Variants in RYR2 observed in about 807,000 individuals in gnomAD.
RYR2 encodes the protein ryanodine receptor 2, also known as cardiac muscle ryanodine receptor-calcium release channel.
Under a neutral mutation model 601.1 loss-of-function variants are expected in RYR2, and 227 were observed. The ratio of observed to expected loss-of-function variants is 0.38; its 90% CI spans 0.34 to 0.42. RYR2 has a LOEUF of 0.42. Among genes scored for constraint, RYR2 ranks in the 10% least tolerant of loss-of-function variants. RYR2 has a pLI of 1.00. For synonymous variants in RYR2, 2,223 were observed against 2,175.1 expected (o/e 1.02, Z -0.61); for missense variants, 4,646 against 6,156.5 (o/e 0.75, Z 8.21).
chr1:237,505,279 G>A (rs1340188093), intron 22 of RYR2, among the ~76,000 whole-genome samples: 1 of 152,168 alleles, frequency 6.6e-6, no homozygotes, highest in Non-Finnish European at 1.5e-5. Context: ...GTGTTCTGAG[G>A]TTGGCTATGA....
intron 1 of RYR2, among the ~76,000 whole-genome samples, chr1:237,058,225 G>T (rs550514689): frequency 6.6e-6 from 1 of 152,286 alleles, no homozygotes; most frequent in Non-Finnish European, 1.5e-5. Context: ...GAAAGCTCAG[G>T]TCAGGGGAAA....
rs1573099656 is a variant in RYR2, at chr1:237,610,264, G to A, written c.4684-498G>A. ...ACATATTCTGTTTTCTTATTCGGTA[G>A]TCAGGTTTATCTGTTGAGCTTTATC... On this transcript the variant is annotated intron_variant, in intron 35 of 104. Transcript: ENST00000366574. This position sits in a 1 kb window ranked among gnomAD's most constrained non-coding sequence, Gnocchi z 4.9. Among the ~76,000 whole-genome samples, 1 of 152,166 alleles carries A rather than the reference G, an allele frequency of 6.6e-6. No homozygotes were observed. The highest frequency in any genetic ancestry group is 2.1e-4 in the South Asian group (1 of 4,826).
At chr1:237,172,181 T>A (rs1420226990) in intron 1 of RYR2, among the ~76,000 whole-genome samples, 1 of 152,266 alleles carries the variant, frequency 6.6e-6, no homozygotes, top group African/African-American at 2.4e-5. Context: ...AACCAAGTTC[T>A]TAATGTATGG....
chr1:237,446,568 A>G (rs971562048), intron 14 of RYR2, among the ~76,000 whole-genome samples: 3 of 152,072 alleles, frequency 2.0e-5, no homozygotes, highest in African/African-American at 7.2e-5. Context: ...GCTTTACAGC[A>G]TAAAACAAAT....
intron 100 of RYR2, among the ~76,000 whole-genome samples, chr1:237,813,199 G>T (rs536794549): frequency 1.3e-5 from 2 of 152,154 alleles, no homozygotes; most frequent in East Asian, 3.9e-4. Flanking sequence ...GGTGCAGAAG[G>T]TAGCAGTAGC....
intron 17 of RYR2, among the ~76,000 whole-genome samples, chr1:237,481,107 CAT>C (rs376529507): frequency 0.017 from 2,406 of 142,918 alleles, 52 homozygotes; most frequent in South Asian, 0.048. Context: ...TGTATATATA[CAT>C]ATATATATAT....
chr1:237,043,206 C>T (rs1433406288), intron 1 of RYR2, among the ~76,000 whole-genome samples: 1 of 152,192 alleles, frequency 6.6e-6, no homozygotes, highest in Non-Finnish European at 1.5e-5. Flanking sequence ...CCTCCGTGGT[C>T]CCCGCGGTTC....
intron 29 of RYR2, among the ~76,000 whole-genome samples, chr1:237,581,569 A>G (rs1193038966): frequency 2.0e-5 from 3 of 152,118 alleles, no homozygotes; most frequent in Admixed American, 2.0e-4. Flanking sequence ...TAGAACTACT[A>G]GTTTGTTCCT....
In RYR2 at chr1:237,297,698, G is replaced by A. The variant is rs368872487; in HGVS notation, c.168+27082G>A. Among the ~76,000 whole-genome samples, 133 of 151,530 alleles carry A rather than the reference G, an allele frequency of 8.8e-4. 1 individual carries two copies. Among genetic ancestry groups the A allele is most frequent in the African/African-American group, 2.9e-3 (120 of 41,286 alleles). The stretch of plus-strand genomic sequence containing the variant: ...AGAGTATTCCTAATATATTGGGAGC[G>A]TTCACATATAAGTTCAGTGATTGAC... On this transcript the variant is annotated intron_variant, in intron 2 of 104. Transcript: ENST00000366574.
chr1:237,195,061 A>G (rs940119930), intron 1 of RYR2, among the ~76,000 whole-genome samples: 1 of 152,162 alleles, frequency 6.6e-6, no homozygotes, highest in African/African-American at 2.4e-5. Context: ...AAACTCTTTT[A>G]GGTCTTTTAT....
intron 35 of RYR2, among the ~76,000 whole-genome samples, chr1:237,605,526 T>G (rs1386639086): frequency 6.6e-6 from 1 of 152,134 alleles, no homozygotes; most frequent in East Asian, 1.9e-4. Context: ...TGGCCTTCTC[T>G]CCCCACTCCT....
chr1:237,783,351 T>C (rs1366393382), intron 89 of RYR2, among the ~76,000 whole-genome samples: 2 of 152,204 alleles, frequency 1.3e-5, no homozygotes, highest in African/African-American at 4.8e-5. Context: ...TTTTTATTAT[T>C]AATATGAAAC....
At chr1:237,122,638 C>A (rs761552059) in intron 1 of RYR2, among the ~76,000 whole-genome samples, 1 of 152,108 alleles carries the variant, frequency 6.6e-6, no homozygotes, top group Admixed American at 6.5e-5. Context: ...GCTGAGATCG[C>A]GCCACTGCAC....
chr1:237,737,328 T>A (rs1250865149), intron 79 of RYR2, among the ~76,000 whole-genome samples: 2 of 152,230 alleles, frequency 1.3e-5, no homozygotes, highest in Non-Finnish European at 2.9e-5. Context: ...GATGTCCAGC[T>A]TGCACCACGC....
chr1:237,506,727 T>A lies in RYR2; in HGVS notation c.2631T>A (p.His877Gln), dbSNP rs1050687513. Residue 877 changes from histidine (H) to glutamine (Q), a missense_variant, in exon 23 of 105, where the codon CAT becomes CAA. Transcript: ENST00000366574. The stretch of plus-strand genomic sequence containing the variant: ...AATTTTAGATCGTGTTGCCTCCTCA[T>A]CTAGAAAGAATAAGAGAAAAACTGG... ...VDTSQIVLPP[H>Q]LERIREKLAE... The A allele has an allele frequency of 1.2e-6, 2 of 1,612,970 alleles. No homozygotes were observed. The highest frequency in any genetic ancestry group is 1.7e-5 in the Admixed American group (1 of 59,902).
intron 99 of RYR2, among the ~76,000 whole-genome samples, chr1:237,808,585 G>A (rs536464892): frequency 3.4e-4 from 52 of 151,500 alleles, no homozygotes; most frequent in African/African-American, 1.1e-3. Flanking sequence ...GCTTGAACCC[G>A]GGAGGCAGAG....
chr1:237,560,668 G>A (rs760198414), intron 27 of RYR2, among the ~76,000 whole-genome samples: 43 of 152,314 alleles, frequency 2.8e-4, no homozygotes, highest in Non-Finnish European at 5.4e-4. Context: ...CCAGCCTTTA[G>A]TTAATTTCCA....
intron 1 of RYR2, among the ~76,000 whole-genome samples, chr1:237,174,842 G>A (rs951144985): frequency 1.3e-5 from 2 of 152,092 alleles, no homozygotes; most frequent in Admixed American, 1.3e-4. Context: ...TCCATTTCTA[G>A]CAAGGGAAAA....
Position 237,356,120 on chromosome 1 carries a change from C to T in RYR2, c.294+135C>T, listed in dbSNP as rs1699273689. 5.3e-6 allele frequency: 4 copies of T among 758,536 alleles called. No individual in the cohort carries two copies. The Admixed American group carries it at 7.6e-5, about 14-fold the overall frequency. 47.0% of individuals were successfully genotyped at this position (758,536 alleles called of 1,614,324 possible). A position where few individuals can be genotyped will look rare whatever the true frequency, so the allele number is the denominator to read the frequency against. ...AAACTAACTGCTTCGTTGTAATGAA[C>T]ACATGTTTTACAGGTCTCTAATGAG... On this transcript the variant is annotated intron_variant, in intron 4 of 104. Transcript: ENST00000366574.
Sources: gnomAD v4.1 joint callset for allele counts (sites outside exome capture counted in the v4.1 genomes callset) on GRCh38, gnomAD v4.1.1 for gene constraint, Gnocchi (gnomAD v3.1) non-coding constraint, MANE v1.5 for transcripts, NCBI Gene and HGNC (gene_info 2026-07-23, HGNC 2026-07-21) for gene names.